The following SEM1 variants were observed in gnomAD, a reference collection of about 807,000 sequenced individuals.
SEM1 encodes 26S proteasome complex subunit SEM1.
Under a neutral mutation model 12.7 loss-of-function variants are expected in SEM1, and 3 were observed. The observed-to-expected ratio is 0.24, with a 90% CI of 0.11 to 0.61. The LOEUF (loss-of-function observed/expected upper bound fraction) is 0.61, where lower values mean the gene tolerates loss of function less well. Among genes scored for constraint, SEM1 ranks in the 20% least tolerant of loss-of-function variants. The pLI, the probability that SEM1 is intolerant of heterozygous loss-of-function variation, is 0.88. For synonymous variants in SEM1, 30 were observed against 27.8 expected, an observed-to-expected ratio of 1.08 and a Z score of -0.25; for missense variants, 59 against 81.3, an observed-to-expected ratio of 0.73 and a Z score of 1.06.
At chr7:96,625,855 A>C (rs1177540785) in intron 2 of SEM1, among the ~76,000 whole-genome samples, 1 of 152,182 alleles carries the variant, frequency 6.6e-6, no homozygotes, top group Admixed American at 6.5e-5. Context: ...CCTGGTCATC[A>C]TAATTTTTTT....
chr7:96,657,999 T>C (rs1809236204), intron 2 of SEM1, among the ~76,000 whole-genome samples: 1 of 151,798 alleles, frequency 6.6e-6, no homozygotes, highest in African/African-American at 2.4e-5. Context: ...CATGAACGAG[T>C]CCAGGGGATT....
chr7:96,487,365 C>A (rs985479130), intron 1 of SEM1, among the ~76,000 whole-genome samples: 1 of 149,886 alleles, frequency 6.7e-6, no homozygotes, highest in African/African-American at 2.5e-5. Flanking sequence ...CCCAAAACAT[C>A]GAAAGTGTTG....
chr7:96,505,437 G>T (rs1029072933), intron 3 of SEM1, among the ~76,000 whole-genome samples: 1 of 151,954 alleles, frequency 6.6e-6, no homozygotes, highest in Non-Finnish European at 1.5e-5. Flanking sequence ...TGAGATGTTA[G>T]CAGCTATTGT....
rs575619257 is a variant in SEM1, at chr7:96,514,191, C to T, written c.171-7493G>A. Among the ~76,000 whole-genome samples the T allele has an allele frequency of 6.8e-4, 104 of 152,128 alleles. No individual in the cohort carries two copies. The South Asian group carries it at 7.7e-3, about 11-fold the overall frequency. On this transcript the variant is annotated intron_variant and NMD_transcript_variant, in intron 2 of 3. Coordinates refer to the SEM1 transcript ENST00000466986. The stretch of plus-strand genomic sequence containing the variant: ...CTAAGTCAAATGTACTTGTGCTTAA[C>T]GTCTTGAAAAAAATTGTCGAATTGT...
chr7:96,510,289 T>C (rs1374953403), intron 2 of SEM1, among the ~76,000 whole-genome samples: 3 of 152,294 alleles, frequency 2.0e-5, no homozygotes, highest in East Asian at 3.9e-4. Flanking sequence ...TGTGATTTTG[T>C]CGTTGTGCAA....
intron 2 of SEM1, among the ~76,000 whole-genome samples, chr7:96,629,016 T>C (rs944274668): frequency 2.6e-5 from 4 of 152,330 alleles, no homozygotes; most frequent in African/African-American, 7.2e-5. Flanking sequence ...GCCAGACATA[T>C]GGGAGCTCCA....
At position 96,529,590 on chromosome 7, in the gene SEM1, T is replaced by C. The variant is rs1804578220; in HGVS notation, c.171-22892A>G. On this transcript the variant is annotated intron_variant and NMD_transcript_variant, in intron 2 of 3. Coordinates refer to the SEM1 transcript ENST00000466986. ...ATTTTTGCATTAGGAATAAAATGTA[T>C]GTCACTCATACAACTGCAGCTCTTG... 4.6e-5 allele frequency among the ~76,000 whole-genome samples: 7 copies of C among 151,786 alleles called. No homozygotes were observed. The South Asian group carries it at 1.5e-3, about 32-fold the overall frequency.
intron 2 of SEM1, among the ~76,000 whole-genome samples, chr7:96,668,280 A>G (rs1789223011): frequency 6.6e-6 from 1 of 152,186 alleles, no homozygotes; most frequent in Non-Finnish European, 1.5e-5. Context: ...GAATAAGAGT[A>G]TAAATTTTGA....
intron 2 of SEM1, chr7:96,645,760 A>AGATG: frequency 2.5e-6 from 1 of 398,346 alleles, no homozygotes; most frequent in Non-Finnish European, 4.4e-6. Context: ...CATGCCGGAT[A>AGATG]GATGGATGGA....
intron 2 of SEM1, among the ~76,000 whole-genome samples, chr7:96,643,032 A>G (rs1808663090): frequency 6.6e-6 from 1 of 152,074 alleles, no homozygotes; most frequent in Non-Finnish European, 1.5e-5. Flanking sequence ...TTTATTGTCC[A>G]GATTATTTCA....
intron 2 of SEM1, among the ~76,000 whole-genome samples, chr7:96,625,911 TTA>T (rs1317696686): frequency 6.6e-6 from 1 of 152,186 alleles, no homozygotes; most frequent in Non-Finnish European, 1.5e-5. Context: ...GTGTATATGT[TTA>T]TGGAGTACAT....
chr7:96,584,570 C>G (rs891690786), intron 2 of SEM1, among the ~76,000 whole-genome samples: 18 of 151,900 alleles, frequency 1.2e-4, no homozygotes, highest in African/African-American at 4.1e-4. Flanking sequence ...TGTTTTCCAA[C>G]TTGGTTCCAT....
At chr7:96,626,986 T>G (rs1376003865) in intron 2 of SEM1, among the ~76,000 whole-genome samples, 1 of 152,106 alleles carries the variant, frequency 6.6e-6, no homozygotes, top group East Asian at 1.9e-4. Flanking sequence ...CTATTCCAGT[T>G]TTGGATTTCT....
At chr7:96,673,715 T>C (rs1789381292) in exon 3 of SEM1, 1 of 763,708 alleles carries the variant, frequency 1.3e-6, no homozygotes, top group Non-Finnish European at 2.4e-6. Flanking sequence ...ATCCCAGCTC[T>C]TTACATTTAG....
rs565101275 is a variant in SEM1, at chr7:96,651,632, C to T, written c.171-28989G>A. Among the ~76,000 whole-genome samples the T allele has an allele frequency of 5.3e-5, 8 of 152,262 alleles. No homozygotes were observed. In the South Asian group the frequency reaches 6.2e-4, roughly 12 times the overall value. Reference sequence around the variant, plus strand: ...TGTCACCCAGGCTGGAGTGCAGTGGCGTGATCTCAGCTTACTGCAACTTCC... The same window carrying T: ...TGTCACCCAGGCTGGAGTGCAGTGGTGTGATCTCAGCTTACTGCAACTTCC... On this transcript the variant is annotated intron_variant, in intron 2 of 2. Transcript: ENST00000417009.
intron 2 of SEM1, among the ~76,000 whole-genome samples, chr7:96,614,034 C>T (rs953681057): frequency 2.0e-5 from 3 of 152,310 alleles, no homozygotes; most frequent in South Asian, 4.1e-4. Context: ...CTTCAACATA[C>T]GAATTTCAAT....
intron 2 of SEM1, among the ~76,000 whole-genome samples, chr7:96,511,144 A>G (rs1002493830): frequency 1.3e-5 from 2 of 152,106 alleles, no homozygotes; most frequent in African/African-American, 2.4e-5. Flanking sequence ...TATGAATACT[A>G]CCACCTCAGG....
chr7:96,500,443 C>A (rs77526994), upstream of SEM1, among the ~76,000 whole-genome samples: 1,011 of 152,144 alleles, frequency 6.6e-3, 13 homozygotes, highest in African/African-American at 0.023. Context: ...ACCAAATAAT[C>A]AAGTCTATAT....
chr7:96,611,297 C>A (rs1296704217), intron 2 of SEM1, among the ~76,000 whole-genome samples: 1 of 152,112 alleles, frequency 6.6e-6, no homozygotes, highest in Non-Finnish European at 1.5e-5. Context: ...AATTTATGTA[C>A]CTTTTCTCCT....
Sources: gnomAD v4.1 joint callset for allele counts (sites outside exome capture counted in the v4.1 genomes callset) on GRCh38, gnomAD v4.1.1 for gene constraint, MANE v1.5 for transcripts, NCBI Gene and HGNC (gene_info 2026-07-23, HGNC 2026-07-21) for gene names.